Variants in TNNI3K observed in about 807,000 individuals in gnomAD.
The protein encoded by TNNI3K is TNNI3 interacting kinase, also known as serine/threonine-protein kinase TNNI3K.
Under a neutral mutation model 114.5 loss-of-function variants are expected in TNNI3K, and 140 were observed. The ratio of observed to expected loss-of-function variants is 1.22; its 90% CI spans 1.07 to 1.41. The LOEUF (loss-of-function observed/expected upper bound fraction) is 1.41, where lower values mean the gene tolerates loss of function less well. Among genes scored for constraint, TNNI3K ranks in the 40% most tolerant of loss-of-function variants. The pLI, the probability that TNNI3K is intolerant of heterozygous loss-of-function variation, is 0.00. For synonymous variants in TNNI3K, 347 were observed against 347.5 expected (o/e 1.00, Z 0.02); for missense variants, 1,125 against 1,007.6 (o/e 1.12, Z -1.58).
chr1:74,239,387 C>T (rs1654048254), intron 2 of TNNI3K, among the ~76,000 whole-genome samples: 1 of 152,098 alleles, frequency 6.6e-6, no homozygotes, highest in Admixed American at 6.6e-5. Context: ...AAACCTAACA[C>T]TGTATGAAAT....
chr1:74,250,729 C>A lies in TNNI3K; in HGVS notation c.293C>A (p.Thr98Lys), dbSNP rs192894824. Reference protein sequence around the residue: ...MLKGLRPSRLTRNGFTALHLA... With the variant: ...MLKGLRPSRLKRNGFTALHLA... ...AAAGGGCTCCGCCCATCTCGACTGA[C>A]AAGAAATGGATTTACAGCCTTGCAT... Residue 98 changes from threonine (T) to lysine (K), a missense_variant, in exon 4 of 25, where the codon ACA (threonine) becomes AAA (lysine). By Grantham distance (78) the Thr-to-Lys change is moderately conservative. Coordinates refer to ENST00000326637, the MANE Select transcript of TNNI3K (RefSeq NM_015978.3). 130 of 1,612,452 alleles carry A rather than the reference C, an allele frequency of 8.1e-5. 1 individual carries two copies. The East Asian group carries it at 2.5e-3, about 31-fold the overall frequency.
chr1:74,308,053 T>C (rs1252372420), intron 5 of TNNI3K, among the ~76,000 whole-genome samples: 3 of 151,588 alleles, frequency 2.0e-5, no homozygotes, highest in Non-Finnish European at 2.9e-5. Flanking sequence ...ATATATATAA[T>C]AGTAATAATA....
At chr1:74,353,388 T>G (rs1250479333) in intron 10 of TNNI3K, 28 bp downstream of exon 10, 2 of 1,609,338 alleles carry the variant, frequency 1.2e-6, no homozygotes, top group Non-Finnish European at 1.7e-6. Flanking sequence ...ACACCACTAG[T>G]TCTATATGCT....
chr1:74,346,775 A>G (rs1429479079), intron 9 of TNNI3K, among the ~76,000 whole-genome samples: 4 of 151,538 alleles, frequency 2.6e-5, no homozygotes, highest in Non-Finnish European at 4.4e-5. Flanking sequence ...TCTGGAGGCT[A>G]GAAGTCCAAG....
intron 17 of TNNI3K, among the ~76,000 whole-genome samples, chr1:74,415,087 G>A (rs561056395): frequency 1.3e-3 from 193 of 152,190 alleles, no homozygotes; most frequent in African/African-American, 4.5e-3. Context: ...TCCCAGCCAC[G>A]ACGGGGCCTC....
intron 5 of TNNI3K, among the ~76,000 whole-genome samples, chr1:74,303,000 G>A (rs188231865): frequency 2.8e-4 from 42 of 152,250 alleles, no homozygotes; most frequent in Non-Finnish European, 5.3e-4. Context: ...AAGCTTCAGA[G>A]GACAGGCTGA....
At chr1:74,344,270 C>T (rs927080588) in intron 9 of TNNI3K, among the ~76,000 whole-genome samples, 13 of 152,162 alleles carry the variant, frequency 8.5e-5, no homozygotes, top group Admixed American at 2.0e-4. Flanking sequence ...AGATGATTCG[C>T]ATCCATTATC....
chr1:74,441,230 GTCTGGGATCAA>G, intron 20 of TNNI3K, among the ~76,000 whole-genome samples: 1 of 152,194 alleles, frequency 6.6e-6, no homozygotes, highest in African/African-American at 2.4e-5. Context: ...CCCAGTGCCT[GTCTGGGATCAA>G]TCCACTTCTC....
intron 5 of TNNI3K, among the ~76,000 whole-genome samples, chr1:74,297,995 T>C (rs184867840): frequency 6.6e-6 from 1 of 152,160 alleles, no homozygotes. Context: ...TAATCCCATA[T>C]GCAAAATACA....
chr1:74,387,250 C>G (rs559575148), intron 17 of TNNI3K, among the ~76,000 whole-genome samples: 8 of 152,034 alleles, frequency 5.3e-5, no homozygotes, highest in Non-Finnish European at 1.2e-4. Context: ...GTATGTAAAA[C>G]CTACCATGGT....
intron 9 of TNNI3K, among the ~76,000 whole-genome samples, chr1:74,350,784 G>T (rs1661293984): frequency 6.6e-6 from 1 of 152,126 alleles, no homozygotes; most frequent in Non-Finnish European, 1.5e-5. Flanking sequence ...GAGTAGGATT[G>T]CAACCCCTGC....
chr1:74,355,239 G>T (rs189852973), intron 11 of TNNI3K, among the ~76,000 whole-genome samples: 14 of 152,270 alleles, frequency 9.2e-5, no homozygotes, highest in African/African-American at 3.4e-4. Context: ...CTAAAAGATT[G>T]TACTGAAAAT....
intron 23 of TNNI3K, among the ~76,000 whole-genome samples, chr1:74,500,959 T>G (rs1315819534): frequency 6.6e-6 from 1 of 152,170 alleles, no homozygotes; most frequent in Non-Finnish European, 1.5e-5. Flanking sequence ...TTATGTTTAT[T>G]TATTTTACTT....
chr1:74,300,642 T>C (rs1658268113), intron 5 of TNNI3K, among the ~76,000 whole-genome samples: 2 of 152,210 alleles, frequency 1.3e-5, no homozygotes, highest in Admixed American at 6.5e-5. Flanking sequence ...TGAAATAGGA[T>C]TGAGCAGAAT....
chr1:74,475,463 C>T (rs1411788327), intron 21 of TNNI3K: 1 of 717,022 alleles, frequency 1.4e-6, no homozygotes, highest in Admixed American at 2.0e-5. Context: ...AGCAATCTAC[C>T]ATCCTGGCAA....
chr1:74,475,366 T>C lies in TNNI3K; in HGVS notation c.2121+11816T>C, dbSNP rs912496304. On this transcript the variant is annotated intron_variant, in intron 21 of 24. Coordinates refer to ENST00000326637, the MANE Select transcript of TNNI3K (RefSeq NM_015978.3). ...TCCAGGCTCAAGATTCCATAGCTTTTGAACTTTCCTTGGATTATATGTTGT... is the reference window on the plus strand; with the variant it reads ...TCCAGGCTCAAGATTCCATAGCTTTCGAACTTTCCTTGGATTATATGTTGT... 3 of 716,548 alleles carry C rather than the reference T, an allele frequency of 4.2e-6. No homozygotes were observed. In the East Asian group the frequency reaches 8.0e-5, roughly 19 times the overall value. 44.4% of individuals were successfully genotyped at this position (716,548 alleles called of 1,614,324 possible).
intron 5 of TNNI3K, among the ~76,000 whole-genome samples, chr1:74,325,957 G>C (rs114800854): frequency 6.6e-6 from 1 of 152,202 alleles, no homozygotes; most frequent in Non-Finnish European, 1.5e-5. Flanking sequence ...ATGGAAATGG[G>C]TGTCATCCCA....
At chr1:74,289,172 A>G (rs1256845255) in intron 5 of TNNI3K, among the ~76,000 whole-genome samples, 1 of 152,058 alleles carries the variant, frequency 6.6e-6, no homozygotes, top group Non-Finnish European at 1.5e-5. Flanking sequence ...TAATAATGGA[A>G]GGAGAAGTAA....
At chr1:74,299,207 C>T (rs763990646) in intron 5 of TNNI3K, among the ~76,000 whole-genome samples, 4 of 152,018 alleles carry the variant, frequency 2.6e-5, no homozygotes, top group African/African-American at 9.7e-5. Context: ...TACCCTGAAG[C>T]GTGCTGATTG....
Sources: gnomAD v4.1 joint callset for allele counts (sites outside exome capture counted in the v4.1 genomes callset) on GRCh38, gnomAD v4.1.1 for gene constraint, MANE v1.5 for transcripts, NCBI Gene and HGNC (gene_info 2026-07-23, HGNC 2026-07-21) for gene names.